Variants in SFR1 observed in about 807,000 individuals in gnomAD.
SFR1 encodes the protein SWI5 dependent homologous recombination repair protein 1, also known as swi5-dependent recombination DNA repair protein 1 homolog.
In SFR1, 24 loss-of-function variants were observed where a neutral mutation model predicts 26.2. The observed-to-expected ratio is 0.92, with a 90% CI of 0.66 to 1.29. The LOEUF (loss-of-function observed/expected upper bound fraction) is 1.29. Ranked by LOEUF, SFR1 falls within the 50% of genes most tolerant of loss-of-function variation. The probability of loss-of-function intolerance (pLI) is 0.00; values close to 1 mark genes in which losing one functional copy is unlikely to be tolerated. For synonymous variants in SFR1, 77 were observed against 96.6 expected (o/e 0.80, Z 1.19); for missense variants, 276 against 270.2 (o/e 1.02, Z -0.15).
Position 104,124,116 on chromosome 10 carries a change from A to C in SFR1, c.538A>C (p.Arg180=). The change falls in exon 3 of 4, where the codon AGA becomes CGA. Residue 180 remains arginine (R), a synonymous_variant. Transcript: ENST00000369727. ...GAGGCTAAAACTAGTCAAAATGTAT[A>C]GATCAAAGGTGAGAAGAATTTCAGG... ...LRRLKLVKMY[R]SKNDLSQLQL... is the part of the protein sequence containing the mutation. The C allele has an allele frequency of 6.4e-7, 1 of 1,563,280 alleles. No individual in the cohort carries two copies.
At chr10:104,121,444 A>G (rs751900030), upstream of SFR1, among the ~76,000 whole-genome samples, 49 of 152,308 alleles carry the variant, frequency 3.2e-4, no homozygotes, top group Admixed American at 1.0e-3. Flanking sequence ...TAGATTTCTA[A>G]CATGTTTGAA....
chr10:104,123,848 C>G lies in SFR1; in HGVS notation c.270C>G (p.Ser90=). ...DQTFSEKPAS[S]TEENCLEFQE... ...CCTTTTCAGAGAAACCAGCATCTTC[C>G]ACAGAGGAAAACTGTTTGGAATTTC... The change falls in exon 3 of 4, where the codon TCC becomes TCG. Residue 90 remains serine (S), a synonymous_variant. Coordinates refer to ENST00000369727, the MANE Select transcript of SFR1 (RefSeq NM_001002759.2). 7 of 1,613,016 alleles carry G rather than the reference C, an allele frequency of 4.3e-6. No homozygotes were observed. Among genetic ancestry groups the G allele is most frequent in the Non-Finnish European group, 5.9e-6 (7 of 1,179,918 alleles).
At chr10:104,122,274 C>T (rs1166066711) in intron 1 of SFR1, 78 bp downstream of exon 1, 3 of 1,463,212 alleles carry the variant, frequency 2.1e-6, no homozygotes, top group African/African-American at 1.5e-5. Context: ...AGTTGAGCTC[C>T]CTTTCCGGGT....
chr10:104,125,729 CT>C lies in SFR1; in HGVS notation c.*28del. On this transcript the variant is annotated 3_prime_UTR_variant, in exon 4 of 4. Transcript: ENST00000369727. ...ATTCCTGATTTTTGCTCCAGAATATCTTTGAGAATGACAACTTAATTAAAAG... is the reference window on the plus strand; with the variant it reads ...ATTCCTGATTTTTGCTCCAGAATATCTTGAGAATGACAACTTAATTAAAAG... 1 of 1,435,104 alleles carries C rather than the reference CT, an allele frequency of 7.0e-7. No homozygotes were observed. The highest frequency in any genetic ancestry group is 9.6e-7 in the Non-Finnish European group (1 of 1,044,834). 88.9% of individuals were successfully genotyped at this position (1,435,104 alleles called of 1,614,324 possible). A position where few individuals can be genotyped will look rare whatever the true frequency, so the allele number is the denominator to read the frequency against.
chr10:104,121,014 TACTCA>T (rs1483202543), upstream of SFR1, among the ~76,000 whole-genome samples: 1 of 152,098 alleles, frequency 6.6e-6, no homozygotes, highest in Non-Finnish European at 1.5e-5. Flanking sequence ...ACTCAGAAGT[TACTCA>T]ACTCTTTCAC....
At chr10:104,125,371 T>C in intron 3 of SFR1, 142 bp from the exon 4 acceptor site, 1 of 624,120 alleles carries the variant, frequency 1.6e-6, no homozygotes, top group Non-Finnish European at 2.8e-6. Context: ...CATATGACCA[T>C]CCTACTTTTT....
chr10:104,122,458 A>G (rs926448076), intron 1 of SFR1: 16 of 985,304 alleles, frequency 1.6e-5, no homozygotes, highest in African/African-American at 1.7e-5. Flanking sequence ...TTGGCCGCTT[A>G]AACTAAAAGG....
In SFR1 at chr10:104,125,653, T is replaced by A. The variant is rs747561973; in HGVS notation, c.687T>A (p.Asp229Glu). Residue 229 changes from aspartate (D) to glutamate (E), a missense_variant, in exon 4 of 4, where the codon GAT (aspartate) becomes GAA (glutamate). Transcript: ENST00000369727. Reference protein sequence around the residue: ...LTQLIDHYGLDDKLLHYNRSE... With the variant: ...LTQLIDHYGLEDKLLHYNRSE... ...AATTGATAGACCACTATGGGTTAGA[T>A]GATAAATTACTACACTATAACAGAA... The A allele has an allele frequency of 6.2e-7, 1 of 1,611,942 alleles. No homozygotes were observed. Among genetic ancestry groups the A allele is most frequent in the Admixed American group, 1.7e-5 (1 of 59,918 alleles).
intron 1 of SFR1, 48 bp from the exon 2 acceptor site, chr10:104,122,917 A>G (rs749530868): frequency 8.7e-6 from 14 of 1,602,528 alleles, no homozygotes; most frequent in African/African-American, 6.7e-5. Context: ...AAAGTCGACT[A>G]TAGAGAGGTG....
Position 104,123,987 on chromosome 10 carries a change from G to A in SFR1, c.409G>A (p.Ala137Thr). 6.2e-7 allele frequency: 1 copy of A among 1,614,032 alleles called. No homozygotes were observed. Among genetic ancestry groups the A allele is most frequent in the Non-Finnish European group, 8.5e-7 (1 of 1,179,960 alleles). The change falls in exon 3 of 4, where the codon GCT becomes ACT. Residue 137 changes from alanine to threonine, a missense_variant. Transcript: ENST00000369727. Reference protein sequence around the residue: ...SQSLDSGSCSALQNEFVSEKL... With the variant: ...SQSLDSGSCSTLQNEFVSEKL... The stretch of plus-strand genomic sequence containing the variant: ...GTCACTTGATTCTGGATCATGCAGT[G>A]CTCTCCAAAATGAGTTTGTGAGTGA...
In SFR1 at chr10:104,123,944, C is replaced by T. The variant is rs114839107; in HGVS notation, c.366C>T (p.Leu122=). The T allele has an allele frequency of 5.0e-6, 8 of 1,613,768 alleles. 1 individual carries two copies. Among genetic ancestry groups the T allele is most frequent in the Middle Eastern group, 3.3e-4 (2 of 6,056 alleles). ...NTNLKNTLKN[L]NVCESQSLDS... The stretch of plus-strand genomic sequence containing the variant: ...ATTTGAAAAATACTTTGAAGAATCT[C>T]AATGTCTGTGAATCTCAGTCACTTG... Residue 122 remains leucine (L), a synonymous_variant, in exon 3 of 4, where the codon CTC becomes CTT. Coordinates refer to ENST00000369727, the MANE Select transcript of SFR1 (RefSeq NM_001002759.2).
intron 3 of SFR1, among the ~76,000 whole-genome samples, chr10:104,124,710 T>C (rs547399650): frequency 6.6e-6 from 1 of 152,196 alleles, no homozygotes; most frequent in East Asian, 1.9e-4. Flanking sequence ...AGTGATGGGA[T>C]AGTGTATCTC....
In SFR1 at chr10:104,122,172, C is replaced by G. The variant is rs760330851; in HGVS notation, c.-12C>G. 1 of 1,549,082 alleles carries G rather than the reference C, an allele frequency of 6.5e-7. No homozygotes were observed. The highest frequency in any genetic ancestry group is 2.0e-5 in the Admixed American group (1 of 50,938). On this transcript the variant is annotated 5_prime_UTR_variant, in exon 1 of 4. Transcript: ENST00000369727. ...GGCCGCAGGTGCGCGCGCTTTTTTG[C>G]TCTCGCTGGGAATGGCGGAGGGAGG... is the stretch of plus-strand genomic sequence containing the variant.
At chr10:104,123,604 C>T in intron 2 of SFR1, 110 bp from the exon 3 acceptor site, 1 of 733,476 alleles carries the variant, frequency 1.4e-6, no homozygotes, top group Non-Finnish European at 2.1e-6. Context: ...AGACAGAAAG[C>T]CATCTAGTGG....
At chr10:104,123,247 T>C (rs2086987416) in intron 2 of SFR1, 161 bp downstream of exon 2, 2 of 574,466 alleles carry the variant, frequency 3.5e-6, no homozygotes, top group Admixed American at 6.6e-5. Context: ...AGGTGACATA[T>C]ATGACACCCA....
chr10:104,123,742 T>A lies in SFR1; in HGVS notation c.164T>A (p.Leu55Ter). The stretch of plus-strand genomic sequence containing the variant: ...ATGAGTGCAACACTTAGAGAAAGAT[T>A]AAGGAAAACAAGATTTTCATTTAAT... ...QPMSATLRER[L>*]RKTRFSFNSS... Residue 55 changes from leucine to a stop codon, truncating the protein, a stop_gained, in exon 3 of 4, where the codon TTA (leucine) becomes TAA (stop). Coordinates refer to ENST00000369727, the MANE Select transcript of SFR1 (RefSeq NM_001002759.2). LOFTEE classifies it high-confidence loss of function. 1 of 1,603,210 alleles carries A rather than the reference T, an allele frequency of 6.2e-7. No individual in the cohort carries two copies. The highest frequency in any genetic ancestry group is 8.5e-7 in the Non-Finnish European group (1 of 1,176,494).
intron 3 of SFR1, among the ~76,000 whole-genome samples, 167 bp downstream of exon 3, chr10:104,124,291 G>A (rs2087002590): frequency 6.6e-6 from 1 of 151,934 alleles, no homozygotes; most frequent in Non-Finnish European, 1.5e-5. Flanking sequence ...GAGTAGAAAA[G>A]GCCCTTAAAC....
rs1052001 is a variant in SFR1 at position 104,126,056 on chromosome 10, A to G, written c.*352A>G. 43,194 of 155,844 alleles carry G rather than the reference A, an allele frequency of 0.28. 8,646 individuals carry two copies. The highest frequency in any genetic ancestry group is 0.58 in the African/African-American group (24,051 of 41,470). The allele number at this position is 155,844 out of a possible 1,614,324, so 9.7% of individuals were successfully genotyped here. Reference sequence around the variant, plus strand: ...ATTAGGGCTCAGAGGAAGGTATCCCAATGAATATCAATTAAGGGCACTTTA... The same window carrying G: ...ATTAGGGCTCAGAGGAAGGTATCCCGATGAATATCAATTAAGGGCACTTTA... On this transcript the variant is annotated 3_prime_UTR_variant, in exon 4 of 4. Transcript: ENST00000369727.
rs200485979 is a variant in SFR1, at chr10:104,123,717, A to G, written c.139A>G (p.Met47Val). ...TAATGTTTTGTGCTCTTTATAGCCT[A>G]TGAGTGCAACACTTAGAGAAAGATT... is the stretch of plus-strand genomic sequence containing the variant. ...PYTNSSRKQP[M>V]SATLRERLRK... Residue 47 changes from methionine (M) to valine (V), a missense_variant, in exon 3 of 4, where the codon ATG becomes GTG. By Grantham distance (21) the Met-to-Val change is conservative. Transcript: ENST00000369727. 91 of 1,581,082 alleles carry G rather than the reference A, an allele frequency of 5.8e-5. No homozygotes were observed. The highest frequency in any genetic ancestry group is 2.3e-4 in the Admixed American group (12 of 52,286).
Sources: allele counts gnomAD v4.1 joint callset (sites outside exome capture counted in the v4.1 genomes callset), GRCh38; gene constraint gnomAD v4.1.1; transcripts MANE v1.5; gene names NCBI Gene and HGNC (gene_info 2026-07-23, HGNC 2026-07-21).